Variants in TTC29 observed in about 807,000 individuals in gnomAD.
TTC29 encodes the protein tetratricopeptide repeat domain 29, also known as tetratricopeptide repeat protein 29.
In TTC29, 49 loss-of-function variants were observed where a neutral mutation model predicts 58.1. The observed-to-expected ratio is 0.84, with a 90% CI of 0.67 to 1.07. The LOEUF is 1.07. Ranked by LOEUF, TTC29 falls within the 50% of genes least tolerant of loss-of-function variation. The probability of loss-of-function intolerance (pLI) is 0.00; values close to 1 mark genes in which losing one functional copy is unlikely to be tolerated. For missense variants in TTC29, 582 were observed against 555.6 expected, an observed-to-expected ratio of 1.05 and a Z score of -0.48; for synonymous variants, 209 against 196.8, an observed-to-expected ratio of 1.06 and a Z score of -0.52.
At chr4:146,810,588 C>A (rs200184529) in intron 10 of TTC29, among the ~76,000 whole-genome samples, 1 of 96,280 alleles carries the variant, frequency 1.0e-5, no homozygotes. Context: ...TACATACCTT[C>A]TTTTTTTTTT....
chr4:146,757,250 C>T (rs894815323), intron 11 of TTC29, among the ~76,000 whole-genome samples: 1 of 151,954 alleles, frequency 6.6e-6, no homozygotes, highest in African/African-American at 2.4e-5. Flanking sequence ...GTACTCTCCC[C>T]CTTTTCCTAC....
chr4:146,793,510 T>A (rs924697300), intron 11 of TTC29, among the ~76,000 whole-genome samples: 5 of 152,150 alleles, frequency 3.3e-5, no homozygotes, highest in Non-Finnish European at 5.9e-5. Flanking sequence ...ATTGCACACC[T>A]AACAGACTAA....
chr4:146,921,751 AC>A (rs1734595531), intron 4 of TTC29, among the ~76,000 whole-genome samples: 1 of 151,268 alleles, frequency 6.6e-6, no homozygotes, highest in Admixed American at 6.6e-5. Context: ...AAGTATTTCA[AC>A]AGTAATTGCC....
intron 8 of TTC29, among the ~76,000 whole-genome samples, chr4:146,846,582 A>C (rs191644738): frequency 1.3e-5 from 2 of 152,270 alleles, no homozygotes; most frequent in African/African-American, 4.8e-5. Flanking sequence ...TGGCCACCTA[A>C]CCTTCTTCCT....
intron 11 of TTC29, among the ~76,000 whole-genome samples, chr4:146,746,321 C>A (rs1745543543): frequency 6.6e-6 from 1 of 152,114 alleles, no homozygotes; most frequent in Non-Finnish European, 1.5e-5. Flanking sequence ...CGTTAGTATG[C>A]TCAACAAAGA....
intron 9 of TTC29, among the ~76,000 whole-genome samples, chr4:146,832,282 T>C (rs753985457): frequency 6.6e-6 from 1 of 152,200 alleles, no homozygotes; most frequent in Non-Finnish European, 1.5e-5. Flanking sequence ...ATAAATTGAA[T>C]TCTTATCAGT....
At chr4:146,790,639 C>CT (rs2150101928) in intron 11 of TTC29, among the ~76,000 whole-genome samples, 1 of 152,138 alleles carries the variant, frequency 6.6e-6, no homozygotes, top group East Asian at 1.9e-4. Flanking sequence ...AAAGTCAAGA[C>CT]TTGCTCTCAC....
chr4:146,864,539 A>G (rs1370530333), intron 8 of TTC29, among the ~76,000 whole-genome samples: 1 of 152,232 alleles, frequency 6.6e-6, no homozygotes, highest in South Asian at 2.1e-4. Context: ...ACCACAAACT[A>G]AATGACTTAA....
In TTC29 at chr4:146,718,499, A is replaced by G. The variant is rs558987937; in HGVS notation, c.1331-10948T>C. Among the ~76,000 whole-genome samples, 6 of 152,192 alleles carry G rather than the reference A, an allele frequency of 3.9e-5. No individual in the cohort carries two copies. In the South Asian group the frequency reaches 8.3e-4, roughly 21 times the overall value. ...GTTTCCATATGTCTGTTCGCCACTT[A>G]TGTCTTTGTTTTTGAGAGAGATGTC... is the stretch of plus-strand genomic sequence containing the variant. On this transcript the variant is annotated intron_variant, in intron 11 of 12. Transcript: ENST00000325106.
intron 3 of TTC29, among the ~76,000 whole-genome samples, chr4:146,939,210 T>C (rs1736131407): frequency 6.6e-6 from 1 of 152,118 alleles, no homozygotes; most frequent in African/African-American, 2.4e-5. Flanking sequence ...ATCCCAGCAT[T>C]TGGGGAGGCC....
chr4:146,904,981 C>A (rs532469018), intron 5 of TTC29, among the ~76,000 whole-genome samples: 41 of 152,208 alleles, frequency 2.7e-4, no homozygotes, highest in Admixed American at 1.1e-3. Flanking sequence ...ACATTTATAT[C>A]AAAATAAATT....
At chr4:146,798,805 T>C (rs1019943386) in intron 11 of TTC29, among the ~76,000 whole-genome samples, 1 of 137,098 alleles carries the variant, frequency 7.3e-6, no homozygotes, top group African/African-American at 2.8e-5. Context: ...GAGAATGGCA[T>C]GAACCTGGGA....
intron 7 of TTC29, among the ~76,000 whole-genome samples, chr4:146,871,491 T>C (rs760894341): frequency 1.6e-4 from 24 of 151,896 alleles, no homozygotes; most frequent in Non-Finnish European, 2.7e-4. Context: ...GCAGATACCA[T>C]AGTCTTGTAT....
intron 10 of TTC29, among the ~76,000 whole-genome samples, chr4:146,816,292 G>C (rs1415714875): frequency 1.3e-5 from 2 of 152,168 alleles, no homozygotes; most frequent in African/African-American, 4.8e-5. Flanking sequence ...TATAGGAGAT[G>C]CTCCCTCATT....
At chr4:146,841,784 G>C (rs1728866468) in intron 8 of TTC29, among the ~76,000 whole-genome samples, 1 of 151,950 alleles carries the variant, frequency 6.6e-6, no homozygotes, top group Non-Finnish European at 1.5e-5. Context: ...GAGCCTGGAA[G>C]GTGTTCTACT....
chr4:146,839,779 C>T (rs1009671395), intron 8 of TTC29, among the ~76,000 whole-genome samples: 8 of 151,398 alleles, frequency 5.3e-5, no homozygotes, highest in Non-Finnish European at 1.2e-4. Context: ...GGAAAAATTC[C>T]GCAATACCTT....
At chr4:146,935,731 TATC>T (rs1393814511) in intron 4 of TTC29, among the ~76,000 whole-genome samples, 1 of 152,188 alleles carries the variant, frequency 6.6e-6, no homozygotes, top group East Asian at 1.9e-4. Context: ...TACAATAAAA[TATC>T]ATTGTCTCTC....
intron 7 of TTC29, among the ~76,000 whole-genome samples, chr4:146,873,914 T>C (rs1731090227): frequency 6.6e-6 from 1 of 152,162 alleles, no homozygotes; most frequent in African/African-American, 2.4e-5. Flanking sequence ...TAAACTTTAG[T>C]TCAGGAGCAT....
In TTC29 at chr4:146,774,760, C is replaced by T. The variant is rs139879469; in HGVS notation, c.1330+28697G>A. On this transcript the variant is annotated intron_variant, in intron 11 of 12. Transcript: ENST00000325106. ...ATTTGGTCAAGTGTCGAGTTCAGGC[C>T]CTGAATATCTTTGTTAGTTATCAAT... is the stretch of plus-strand genomic sequence containing the variant. 7.7e-3 allele frequency among the ~76,000 whole-genome samples: 1,177 copies of T among 152,068 alleles called. 6 individuals are homozygous for T. The highest frequency in any genetic ancestry group is 0.044 in the Middle Eastern group (13 of 294).
Sources: allele counts gnomAD v4.1 joint callset (sites outside exome capture counted in the v4.1 genomes callset), GRCh38; gene constraint gnomAD v4.1.1; transcripts MANE v1.5; gene names NCBI Gene and HGNC (gene_info 2026-07-23, HGNC 2026-07-21).